KCNH5: variants seen among roughly 807,000 people sequenced by gnomAD.
KCNH5 encodes voltage-gated delayed rectifier potassium channel KCNH5.
Under a neutral mutation model 96.1 loss-of-function variants are expected in KCNH5, and 46 were observed. The ratio of observed to expected loss-of-function variants is 0.48; its 90% confidence interval spans 0.38 to 0.61. The LOEUF is 0.61. Ranked by LOEUF, KCNH5 falls within the 20% of genes least tolerant of loss-of-function variation. KCNH5 has a pLI of 0.00. For synonymous variants in KCNH5, 439 were observed against 449.8 expected (o/e 0.98, Z 0.30); for missense variants, 907 against 1,225.8 (o/e 0.74, Z 3.88).
intron 10 of KCNH5, among the ~76,000 whole-genome samples, chr14:62,775,459 T>A (rs1339662187): frequency 1.3e-5 from 2 of 152,004 alleles, no homozygotes; most frequent in East Asian, 3.9e-4. Context: ...GAAAAAAAAA[T>A]ATGAGGACTA....
intron 4 of KCNH5, among the ~76,000 whole-genome samples, chr14:63,000,934 G>A (rs1314376291): frequency 2.6e-5 from 4 of 152,112 alleles, no homozygotes; most frequent in African/African-American, 9.7e-5. Flanking sequence ...AATTAGCCAG[G>A]TATGGTGGCG....
At chr14:62,741,135 T>C (rs943579933) in intron 10 of KCNH5, among the ~76,000 whole-genome samples, 1 of 152,140 alleles carries the variant, frequency 6.6e-6, no homozygotes, top group Non-Finnish European at 1.5e-5. Context: ...ATAATGGAGT[T>C]TTCCCAGAAA....
At chr14:62,712,388 T>C in intron 10 of KCNH5, 2 of 446,742 alleles carry the variant, frequency 4.5e-6, no homozygotes, top group Non-Finnish European at 8.0e-6. Context: ...TGTCATGGAA[T>C]GAGAACATTT....
At chr14:62,957,401 A>G (rs549597267) in intron 6 of KCNH5, among the ~76,000 whole-genome samples, 2 of 152,342 alleles carry the variant, frequency 1.3e-5, no homozygotes, top group South Asian at 4.1e-4. Context: ...AAGAGCAGGA[A>G]TACAGACTTG....
chr14:62,901,282 G>C (rs1220186168), intron 7 of KCNH5, among the ~76,000 whole-genome samples: 2 of 151,596 alleles, frequency 1.3e-5, no homozygotes, highest in Non-Finnish European at 2.9e-5. Flanking sequence ...TTCTTACCTA[G>C]GTATATTGTG....
At chr14:62,726,880 C>T (rs760011625) in intron 10 of KCNH5, among the ~76,000 whole-genome samples, 55 of 152,278 alleles carry the variant, frequency 3.6e-4, no homozygotes, top group Non-Finnish European at 6.0e-4. Flanking sequence ...TAAATACATA[C>T]ATTGAAGTGT....
At chr14:62,728,133 C>T (rs1213003172) in intron 10 of KCNH5, among the ~76,000 whole-genome samples, 2 of 151,472 alleles carry the variant, frequency 1.3e-5, no homozygotes, top group Non-Finnish European at 2.9e-5. Context: ...GTTAATCCCA[C>T]ACCTTAGGAG....
At chr14:63,000,811 C>T (rs1594668171) in intron 4 of KCNH5, among the ~76,000 whole-genome samples, 4 of 152,230 alleles carry the variant, frequency 2.6e-5, no homozygotes, top group Admixed American at 1.3e-4. Context: ...GTATGGCCCA[C>T]GTCTGTAATC....
At chr14:62,716,383 A>C (rs12372901) in intron 10 of KCNH5, among the ~76,000 whole-genome samples, 4,880 of 152,252 alleles carry the variant, frequency 0.032, 135 homozygotes, top group South Asian at 0.083. Context: ...AAAATTACAG[A>C]ATAAAATCCA....
intron 1 of KCNH5, among the ~76,000 whole-genome samples, chr14:63,024,227 T>TAGATATAGATATAGATATAGATATAG (rs1566545182): frequency 1.4e-5 from 2 of 147,268 alleles, no homozygotes; most frequent in African/African-American, 5.0e-5. Context: ...TATATATATA[T>TAGATATAGATATAGATATAGATATAG]ATCTTGAGAC....
chr14:62,786,060 G>A (rs982480572), intron 9 of KCNH5, among the ~76,000 whole-genome samples: 2 of 152,066 alleles, frequency 1.3e-5, no homozygotes, highest in East Asian at 1.9e-4. Context: ...GCACAGTGGC[G>A]GGCGCCTGTA....
At chr14:62,983,410 A>C (rs1356439453) in intron 5 of KCNH5, among the ~76,000 whole-genome samples, 1 of 151,932 alleles carries the variant, frequency 6.6e-6, no homozygotes, top group Non-Finnish European at 1.5e-5. Context: ...GTATATATAC[A>C]TATATATACA....
chr14:62,985,110 C>A (rs1890680695), intron 5 of KCNH5, among the ~76,000 whole-genome samples: 2 of 152,150 alleles, frequency 1.3e-5, no homozygotes, highest in Non-Finnish European at 2.9e-5. Context: ...AAAATCTAAG[C>A]ATTTTTGCAA....
intron 9 of KCNH5, among the ~76,000 whole-genome samples, chr14:62,790,715 A>G (rs1282523730): frequency 6.6e-6 from 1 of 151,172 alleles, no homozygotes; most frequent in Non-Finnish European, 1.5e-5. Context: ...TAAATTCATT[A>G]CTATGTATTT....
chr14:62,987,041 T>A (rs531320469), intron 5 of KCNH5, 31 bp downstream of exon 5: 1 of 1,467,972 alleles, frequency 6.8e-7, no homozygotes, highest in Non-Finnish European at 9.5e-7. Context: ...AACACCACCA[T>A]CTTGGGAAGC....
chr14:62,964,726 G>A (rs1162910211), intron 6 of KCNH5, among the ~76,000 whole-genome samples: 3 of 152,118 alleles, frequency 2.0e-5, no homozygotes, highest in African/African-American at 7.2e-5. Flanking sequence ...TCAAAGACTT[G>A]TGGGCTATTC....
At chr14:62,958,843 C>A (rs536213310) in intron 6 of KCNH5, among the ~76,000 whole-genome samples, 2 of 152,216 alleles carry the variant, frequency 1.3e-5, no homozygotes, top group South Asian at 4.1e-4. Context: ...AACTACCTAG[C>A]AAGTTTCCTG....
chr14:62,977,146 G>A lies in KCNH5; in HGVS notation c.942+3726C>T, dbSNP rs146466345. Among the ~76,000 whole-genome samples, 32 of 152,152 alleles carry A rather than the reference G, an allele frequency of 2.1e-4. No individual in the cohort carries two copies. The East Asian group carries it at 4.1e-3, about 19-fold the overall frequency. ...AACACTTTGGGAGGCTGAGATGGGC[G>A]GATCACTTGAGGTCAGGAGTTCAAG... is the stretch of plus-strand genomic sequence containing the variant. On this transcript the variant is annotated intron_variant, in intron 6 of 10. Transcript: ENST00000322893.
At chr14:62,829,053 C>T (rs527740486) in intron 8 of KCNH5, among the ~76,000 whole-genome samples, 10 of 152,142 alleles carry the variant, frequency 6.6e-5, no homozygotes, top group Non-Finnish European at 1.2e-4. Context: ...AGCCATTAAA[C>T]CTTAAAGCTC....
Sources: gnomAD v4.1 joint callset for allele counts (sites outside exome capture counted in the v4.1 genomes callset) on GRCh38, gnomAD v4.1.1 for gene constraint, MANE v1.5 for transcripts, NCBI Gene and HGNC (gene_info 2026-07-23, HGNC 2026-07-21) for gene names.